The following ATP8A2 variants were observed in gnomAD, a reference collection of about 807,000 sequenced individuals.
ATP8A2 encodes the protein phospholipid-transporting ATPase IB.
In ATP8A2, 100 loss-of-function variants were observed where a neutral mutation model predicts 165.6. The observed-to-expected ratio is 0.60, with a 90% confidence interval of 0.51 to 0.71. The LOEUF is 0.71. Among genes scored for constraint, ATP8A2 ranks in the 30% least tolerant of loss-of-function variants. The pLI is 0.00. For synonymous variants in ATP8A2, 543 were observed against 548.8 expected (o/e 0.99, Z 0.15); for missense variants, 1,227 against 1,479.5 (o/e 0.83, Z 2.80).
intron 2 of ATP8A2, among the ~76,000 whole-genome samples, chr13:25,470,493 T>A (rs149097170): frequency 2.2e-4 from 34 of 152,292 alleles, no homozygotes; most frequent in African/African-American, 8.2e-4. Context: ...TGAAAAACGA[T>A]GGAGCTGCTT....
intron 2 of ATP8A2, among the ~76,000 whole-genome samples, chr13:25,481,609 T>C (rs2036204170): frequency 6.6e-6 from 1 of 152,248 alleles, no homozygotes; most frequent in Non-Finnish European, 1.5e-5. Flanking sequence ...CTGTTATCCC[T>C]GTATTAGCTC....
intron 33 of ATP8A2, among the ~76,000 whole-genome samples, chr13:25,903,583 G>A (rs761541086): frequency 6.6e-6 from 1 of 152,192 alleles, no homozygotes; most frequent in Non-Finnish European, 1.5e-5. Context: ...GACCACTGTT[G>A]ATTATCCCTG....
intron 24 of ATP8A2, among the ~76,000 whole-genome samples, chr13:25,603,480 A>C (rs1031206166): frequency 6.6e-5 from 10 of 151,956 alleles, no homozygotes; most frequent in African/African-American, 2.4e-4. Context: ...CAAAAAAAAA[A>C]AAAAAAAAAT....
At chr13:25,386,049 G>A (rs1031635996) in intron 1 of ATP8A2, among the ~76,000 whole-genome samples, 2 of 151,924 alleles carry the variant, frequency 1.3e-5, no homozygotes, top group Non-Finnish European at 2.9e-5. Flanking sequence ...CCAAGTAGCT[G>A]GGATTACAGG....
intron 33 of ATP8A2, among the ~76,000 whole-genome samples, chr13:25,925,427 G>A (rs988621057): frequency 2.0e-5 from 3 of 151,870 alleles, no homozygotes; most frequent in Non-Finnish European, 2.9e-5. Context: ...CCAGCTACTC[G>A]GGAGGCTGAG....
In ATP8A2 at chr13:25,828,153, G is replaced by T; in HGVS notation, c.2715G>T (p.Gln905His). The change falls in exon 28 of 37, where the codon CAG becomes CAT. Residue 905 changes from glutamine (Q) to histidine (H), a missense_variant. By Grantham distance (24) the Gln-to-His change is conservative. Around this residue, in one of 5 missense-constraint regions of ATP8A2, gnomAD observed 592 missense variants for 785.6 expected, o/e 0.75. Transcript: ENST00000381655. Reference sequence around the variant, plus strand: ...CCTTTGTTAATGGATTTTCTGGGCAGATTTTATTTGAACGTTGGTGCATCG... The same window carrying T: ...CCTTTGTTAATGGATTTTCTGGGCATATTTTATTTGAACGTTGGTGCATCG... The part of the protein sequence containing the change: ...WFAFVNGFSG[Q>H]ILFERWCIGL... 2 of 1,614,160 alleles carry T rather than the reference G, an allele frequency of 1.2e-6. No individual in the cohort carries two copies. The highest frequency in any genetic ancestry group is 1.7e-6 in the Non-Finnish European group (2 of 1,180,004).
At chr13:25,531,082 A>G (rs2038016428) in intron 4 of ATP8A2, among the ~76,000 whole-genome samples, 1 of 150,682 alleles carries the variant, frequency 6.6e-6, no homozygotes, top group Non-Finnish European at 1.5e-5. Flanking sequence ...CAGCAACTAT[A>G]TTCCTTTTCC....
chr13:26,000,508 GC>G (rs1956611471), intron 35 of ATP8A2, among the ~76,000 whole-genome samples: 1 of 152,066 alleles, frequency 6.6e-6, no homozygotes, highest in African/African-American at 2.4e-5. Flanking sequence ...TGAGGCAGGA[GC>G]ATAACACCTT....
intron 35 of ATP8A2, among the ~76,000 whole-genome samples, chr13:26,011,320 TCCC>T (rs371901688): frequency 1.5e-3 from 222 of 152,264 alleles, no homozygotes; most frequent in African/African-American, 5.1e-3. Context: ...TCTGTGGTCT[TCCC>T]TCCGTGTATG....
chr13:25,597,119 T>G (rs2040255993), intron 24 of ATP8A2, among the ~76,000 whole-genome samples: 1 of 152,230 alleles, frequency 6.6e-6, no homozygotes, highest in East Asian at 1.9e-4. Context: ...TTTTTAAAAT[T>G]ACTGAATTCT....
At chr13:25,967,218 C>T (rs552820058) in intron 34 of ATP8A2, among the ~76,000 whole-genome samples, 4 of 152,316 alleles carry the variant, frequency 2.6e-5, no homozygotes, top group Admixed American at 6.5e-5. Flanking sequence ...ATTCCACAGG[C>T]TCTGCTTTGA....
In ATP8A2 at chr13:25,837,011, T is replaced by C. The variant is rs1024960108; in HGVS notation, c.2755-152T>C. ...AACGTAAAAATGGTCTTTCATTTATTTCCTTTGTTTGGAGGGTGTCTGGGG... is the reference window on the plus strand; with the variant it reads ...AACGTAAAAATGGTCTTTCATTTATCTCCTTTGTTTGGAGGGTGTCTGGGG... On this transcript the variant is annotated intron_variant, in intron 28 of 36. Coordinates refer to ENST00000381655, the MANE Select transcript of ATP8A2 (RefSeq NM_016529.6). The C allele has an allele frequency of 5.6e-6, 5 of 896,090 alleles. No individual in the cohort carries two copies. In the Admixed American group the frequency reaches 7.9e-5, roughly 14 times the overall value. The allele number at this position is 896,090 out of a possible 1,614,324, so 55.5% of individuals were successfully genotyped here.
At chr13:25,730,056 G>A (rs1387262668) in intron 25 of ATP8A2, among the ~76,000 whole-genome samples, 4 of 149,432 alleles carry the variant, frequency 2.7e-5, no homozygotes, top group Admixed American at 6.6e-5. Context: ...TTTGGAGGCC[G>A]AGGTGGGCAG....
At chr13:25,968,490 G>A (rs1593643991) in intron 34 of ATP8A2, 85 bp from the exon 35 acceptor site, 3 of 1,199,606 alleles carry the variant, frequency 2.5e-6, no homozygotes, top group East Asian at 2.5e-5. Flanking sequence ...GCATTTGGCT[G>A]TGGCCTGAGA....
At chr13:25,838,590 G>A (rs1249536313) in intron 29 of ATP8A2, among the ~76,000 whole-genome samples, 3 of 151,204 alleles carry the variant, frequency 2.0e-5, no homozygotes, top group African/African-American at 7.3e-5. Flanking sequence ...AAGTAGAGAG[G>A]TCAGAGATGG....
chr13:25,829,681 T>C (rs1452567100), intron 28 of ATP8A2, among the ~76,000 whole-genome samples: 5 of 30,184 alleles, frequency 1.7e-4, no homozygotes, highest in African/African-American at 5.2e-4. Flanking sequence ...TATATATATA[T>C]ATATATATAT....
At chr13:25,386,042 A>G (rs2033031474) in intron 1 of ATP8A2, among the ~76,000 whole-genome samples, 1 of 151,842 alleles carries the variant, frequency 6.6e-6, no homozygotes, top group South Asian at 2.1e-4. Flanking sequence ...CAGGCTCCCA[A>G]GTAGCTGGGA....
At chr13:25,378,550 T>C (rs112628078) in intron 1 of ATP8A2, among the ~76,000 whole-genome samples, 2,949 of 152,300 alleles carry the variant, frequency 0.019, 94 homozygotes, top group African/African-American at 0.067. Context: ...AAGAGAACTT[T>C]GTTATTTTTG....
intron 2 of ATP8A2, among the ~76,000 whole-genome samples, chr13:25,512,400 C>T (rs1330748102): frequency 1.3e-5 from 2 of 152,128 alleles, no homozygotes; most frequent in Non-Finnish European, 2.9e-5. Flanking sequence ...GTTGGGTACA[C>T]CTCCCAGACG....
Sources: gnomAD v4.1 joint callset for allele counts (sites outside exome capture counted in the v4.1 genomes callset) on GRCh38, gnomAD v4.1.1 for gene constraint, gnomAD v4.1.1 regional missense constraint, MANE v1.5 for transcripts, NCBI Gene and HGNC (gene_info 2026-07-23, HGNC 2026-07-21) for gene names.